TSPAN18: variants seen among roughly 807,000 people sequenced by gnomAD.
TSPAN18 encodes the protein tetraspanin 18.
Under a neutral mutation model 27.3 loss-of-function variants are expected in TSPAN18, and 14 were observed. The ratio of observed to expected loss-of-function variants is 0.51; its 90% CI spans 0.34 to 0.80. TSPAN18 has a LOEUF of 0.80. TSPAN18 is among the 30% of genes least tolerant of loss of function. The probability of loss-of-function intolerance (pLI) is 0.01; values close to 1 mark genes in which losing one functional copy is unlikely to be tolerated. For synonymous variants in TSPAN18, 143 were observed against 136.5 expected (o/e 1.05, Z -0.33); for missense variants, 268 against 323.9 (o/e 0.83, Z 1.32).
chr11:44,926,501 G>A (rs835988), intron 8 of TSPAN18, 173 bp from the exon 9 acceptor site: 13 of 636,608 alleles, frequency 2.0e-5, no homozygotes, highest in African/African-American at 1.5e-4. Flanking sequence ...CTGCCAAGTC[G>A]CTGTTTCTGG....
At chr11:44,925,315 C>T (rs989353613) in intron 8 of TSPAN18, among the ~76,000 whole-genome samples, 5 of 152,218 alleles carry the variant, frequency 3.3e-5, no homozygotes, top group Non-Finnish European at 2.9e-5. Flanking sequence ...CAACCACTTC[C>T]CCGATTATTC....
intron 1 of TSPAN18, among the ~76,000 whole-genome samples, chr11:44,764,220 A>T (rs948458634): frequency 3.9e-5 from 6 of 152,134 alleles, no homozygotes; most frequent in African/African-American, 1.2e-4. Flanking sequence ...CCCATCTCCG[A>T]CACTGGGAAT....
intron 2 of TSPAN18, among the ~76,000 whole-genome samples, chr11:44,837,082 T>C (rs1857279043): frequency 6.6e-6 from 1 of 152,180 alleles, no homozygotes; most frequent in African/African-American, 2.4e-5. Context: ...ATTTAAGAAA[T>C]AGATTTTGTA....
chr11:44,791,655 A>T (rs1856225676), intron 2 of TSPAN18, among the ~76,000 whole-genome samples: 1 of 152,200 alleles, frequency 6.6e-6, no homozygotes, highest in African/African-American at 2.4e-5. Context: ...GCTCCAGGGA[A>T]CCAGTCTCTA....
At chr11:44,839,624 G>A (rs1275655592) in intron 2 of TSPAN18, among the ~76,000 whole-genome samples, 1 of 151,918 alleles carries the variant, frequency 6.6e-6, no homozygotes, top group East Asian at 1.9e-4. Flanking sequence ...TCTACCAACT[G>A]CTCCAACACC....
chr11:44,879,232 G>T (rs999881266), intron 3 of TSPAN18, among the ~76,000 whole-genome samples: 1 of 152,024 alleles, frequency 6.6e-6, no homozygotes, highest in Non-Finnish European at 1.5e-5. Flanking sequence ...AAGCCCACAC[G>T]GAGATTTATC....
chr11:44,861,066 C>T (rs1857866086), intron 3 of TSPAN18, among the ~76,000 whole-genome samples: 1 of 152,056 alleles, frequency 6.6e-6, no homozygotes, highest in African/African-American at 2.4e-5. Context: ...AGGGCTGAAT[C>T]CAGGGCTCAA....
intron 4 of TSPAN18, among the ~76,000 whole-genome samples, chr11:44,909,157 A>G (rs1019549366): frequency 6.6e-6 from 1 of 152,130 alleles, no homozygotes; most frequent in African/African-American, 2.4e-5. Context: ...CCCATGGGGG[A>G]CAATGACGAT....
intron 3 of TSPAN18, among the ~76,000 whole-genome samples, chr11:44,866,490 C>T (rs1266548790): frequency 6.6e-6 from 1 of 152,202 alleles, no homozygotes; most frequent in Non-Finnish European, 1.5e-5. Flanking sequence ...GCCAGGTGGG[C>T]AGCAGCTATT....
At chr11:44,923,396 C>T (rs1161778993) in intron 8 of TSPAN18, among the ~76,000 whole-genome samples, 5 of 152,108 alleles carry the variant, frequency 3.3e-5, no homozygotes, top group African/African-American at 4.8e-5. Flanking sequence ...TCTGTGGTGG[C>T]AGGCTGGGGA....
chr11:44,905,018 T>G (rs544506072), intron 3 of TSPAN18, among the ~76,000 whole-genome samples: 1 of 152,160 alleles, frequency 6.6e-6, no homozygotes, highest in Non-Finnish European at 1.5e-5. Flanking sequence ...CTGGGCACAG[T>G]GCTGGATCCC....
At chr11:44,735,962 C>T (rs565943129) in intron 1 of TSPAN18, among the ~76,000 whole-genome samples, 1 of 152,170 alleles carries the variant, frequency 6.6e-6, no homozygotes, top group Non-Finnish European at 1.5e-5. Flanking sequence ...TTCCTGACAG[C>T]TAGGGGTTAG....
chr11:44,761,381 C>T (rs929415978), intron 1 of TSPAN18, among the ~76,000 whole-genome samples: 3 of 152,190 alleles, frequency 2.0e-5, no homozygotes, highest in Non-Finnish European at 4.4e-5. Flanking sequence ...AGTGACTCCC[C>T]TCCCCCGCAG....
At chr11:44,812,807 G>T (rs1352379222) in intron 2 of TSPAN18, among the ~76,000 whole-genome samples, 2 of 152,156 alleles carry the variant, frequency 1.3e-5, no homozygotes, top group African/African-American at 4.8e-5. Flanking sequence ...CTGCCCTCAG[G>T]CTGTGATGCT....
intron 2 of TSPAN18, among the ~76,000 whole-genome samples, chr11:44,805,715 C>G (rs1856577074): frequency 6.6e-6 from 1 of 152,152 alleles, no homozygotes; most frequent in South Asian, 2.1e-4. Flanking sequence ...AGTTCAAAGT[C>G]AAGGTGCTGG....
chr11:44,919,011 T>C (rs1399976937), intron 6 of TSPAN18, among the ~76,000 whole-genome samples: 1 of 150,880 alleles, frequency 6.6e-6, no homozygotes, highest in African/African-American at 2.4e-5. Context: ...GATGTGCATG[T>C]GTATGGACTT....
intron 2 of TSPAN18, among the ~76,000 whole-genome samples, chr11:44,841,940 G>A (rs1407735599): frequency 6.6e-6 from 1 of 152,222 alleles, no homozygotes; most frequent in African/African-American, 2.4e-5. Flanking sequence ...TTTAAGAGGT[G>A]AGCCGTCTGT....
intron 2 of TSPAN18, among the ~76,000 whole-genome samples, chr11:44,796,565 A>G (rs924173964): frequency 2.0e-5 from 3 of 152,146 alleles, no homozygotes; most frequent in Non-Finnish European, 2.9e-5. Flanking sequence ...TTGCCTGCAC[A>G]TAGCGCCCAG....
At chr11:44,899,822 A>G (rs1409141937) in intron 3 of TSPAN18, among the ~76,000 whole-genome samples, 1 of 152,124 alleles carries the variant, frequency 6.6e-6, no homozygotes, top group African/African-American at 2.4e-5. Context: ...GGCCCCACCC[A>G]CACTGCTACT....
Sources: allele counts gnomAD v4.1 joint callset (sites outside exome capture counted in the v4.1 genomes callset), GRCh38; gene constraint gnomAD v4.1.1; transcripts MANE v1.5; gene names NCBI Gene and HGNC (gene_info 2026-07-23, HGNC 2026-07-21).